Variants in HTR4 observed in about 807,000 individuals in gnomAD.
HTR4 encodes 5-hydroxytryptamine (serotonin) receptor 4, G protein-coupled.
HTR4 carries 16 observed loss-of-function variants against 36.8 expected under a neutral mutation model. The observed-to-expected ratio is 0.43, with a 90% CI of 0.29 to 0.66. HTR4 has a LOEUF of 0.66. Among genes scored for constraint, HTR4 ranks in the 30% least tolerant of loss-of-function variants. The probability of loss-of-function intolerance (pLI) is 0.13; values close to 1 mark genes in which losing one functional copy is unlikely to be tolerated. For missense variants in HTR4, 438 were observed against 490.9 expected (o/e 0.89, Z 1.02); for synonymous variants, 189 against 185.1 (o/e 1.02, Z -0.17).
intron 1 of HTR4, among the ~76,000 whole-genome samples, chr5:148,639,617 GTATATATATATATATATATA>G (rs370514542): frequency 1.8e-5 from 2 of 111,866 alleles, no homozygotes; most frequent in African/African-American, 7.4e-5. Context: ...TTTCTTCCCA[GTATATATATATATATATATA>G]TATATATAGT....
At chr5:148,477,150 T>C (rs902107525), downstream of HTR4, among the ~76,000 whole-genome samples, 3 of 152,172 alleles carry the variant, frequency 2.0e-5, no homozygotes, top group Non-Finnish European at 4.4e-5. Context: ...ATAATGTCAG[T>C]TGTAGAAAGG....
chr5:148,586,579 G>A (rs1325070171), intron 2 of HTR4, among the ~76,000 whole-genome samples: 1 of 152,044 alleles, frequency 6.6e-6, no homozygotes, highest in African/African-American at 2.4e-5. Flanking sequence ...CAGCATAGGG[G>A]AAACCACTTC....
At chr5:148,580,668 C>G (rs1350291218) in intron 2 of HTR4, among the ~76,000 whole-genome samples, 1 of 152,052 alleles carries the variant, frequency 6.6e-6, no homozygotes, top group East Asian at 1.9e-4. Flanking sequence ...TAATGTCTTC[C>G]AGGTTTATAC....
chr5:148,467,671 T>C (rs1370788982), intron 5 of HTR4, among the ~76,000 whole-genome samples: 1 of 152,262 alleles, frequency 6.6e-6, no homozygotes, highest in Non-Finnish European at 1.5e-5. Flanking sequence ...TTGTATAACA[T>C]GCCTTATCCA....
At chr5:148,511,134 C>G (rs962192149) in intron 5 of HTR4, among the ~76,000 whole-genome samples, 11 of 152,184 alleles carry the variant, frequency 7.2e-5, no homozygotes, top group Admixed American at 3.3e-4. Flanking sequence ...GCCATCTACA[C>G]CTTTGACATA....
rs574873367 is a variant in HTR4 at position 148,491,369 on chromosome 5, G to T, written c.1077-8076C>A. On this transcript the variant is annotated intron_variant, in intron 6 of 6. Transcript: ENST00000377888. Reference sequence around the variant, plus strand: ...CTTAAGAATGTATGAGGATTAAAAGGAGCCAAATGGTGCAGGGGCTGAACC... The same window carrying T: ...CTTAAGAATGTATGAGGATTAAAAGTAGCCAAATGGTGCAGGGGCTGAACC... Among the ~76,000 whole-genome samples, 6 of 151,982 alleles carry T rather than the reference G, an allele frequency of 3.9e-5. No individual in the cohort carries two copies. In the East Asian group the frequency reaches 1.2e-3, roughly 29 times the overall value.
chr5:148,610,484 A>G (rs949384184), intron 2 of HTR4, among the ~76,000 whole-genome samples: 7 of 152,140 alleles, frequency 4.6e-5, no homozygotes, highest in Non-Finnish European at 1.0e-4. Context: ...CTACAAGGAA[A>G]ACTAACAAAC....
intron 4 of HTR4, among the ~76,000 whole-genome samples, chr5:148,546,010 T>C (rs562069723): frequency 6.6e-6 from 1 of 152,284 alleles, no homozygotes; most frequent in South Asian, 2.1e-4. Flanking sequence ...GGATGAATGA[T>C]AGAGAGAAAT....
At chr5:148,579,040 C>G (rs964556859) in intron 2 of HTR4, among the ~76,000 whole-genome samples, 5 of 152,060 alleles carry the variant, frequency 3.3e-5, no homozygotes, top group African/African-American at 1.2e-4. Flanking sequence ...ACACTAAGTT[C>G]TATTTGTCCA....
intron 2 of HTR4, among the ~76,000 whole-genome samples, chr5:148,568,948 C>T (rs1760563136): frequency 6.6e-6 from 1 of 151,834 alleles, no homozygotes; most frequent in African/African-American, 2.4e-5. Flanking sequence ...CACACTGATA[C>T]CCTTAAAAAA....
chr5:148,497,299 T>A (rs979075529), intron 6 of HTR4, among the ~76,000 whole-genome samples: 3 of 152,180 alleles, frequency 2.0e-5, no homozygotes, highest in Non-Finnish European at 2.9e-5. Flanking sequence ...TTTTTTCTCA[T>A]GTGTAGGAAA....
chr5:148,484,129 G>T, intron 6 of HTR4: 1 of 950,306 alleles, frequency 1.1e-6, no homozygotes, highest in Non-Finnish European at 1.5e-6. Flanking sequence ...TAGACCTTAA[G>T]TTTTTTGCAA....
At chr5:148,462,204 A>T (rs1755294367) in intron 5 of HTR4, among the ~76,000 whole-genome samples, 1 of 152,038 alleles carries the variant, frequency 6.6e-6, no homozygotes, top group African/African-American at 2.4e-5. Flanking sequence ...AGAAATTCAT[A>T]GAGAAAATCA....
downstream of HTR4, among the ~76,000 whole-genome samples, chr5:148,476,121 C>T (rs534859377): frequency 6.6e-6 from 1 of 152,338 alleles, no homozygotes; most frequent in South Asian, 2.1e-4. Flanking sequence ...TTTATGACAT[C>T]TTTCAAAGAT....
chr5:148,532,887 T>A (rs552794141), intron 4 of HTR4, among the ~76,000 whole-genome samples: 91 of 152,314 alleles, frequency 6.0e-4, no homozygotes, highest in Non-Finnish European at 1.1e-3. Flanking sequence ...TGAGGCCCAA[T>A]AATTTGCATT....
intron 1 of HTR4, 119 bp from the exon 2 acceptor site, chr5:148,637,180 T>G: frequency 1.5e-6 from 1 of 687,214 alleles, no homozygotes; most frequent in Non-Finnish European, 2.5e-6. Flanking sequence ...TGTGGAAATA[T>G]TTAATAAACA....
At chr5:148,480,635 A>G (rs968968718), downstream of HTR4, among the ~76,000 whole-genome samples, 1 of 152,182 alleles carries the variant, frequency 6.6e-6, no homozygotes, top group Non-Finnish European at 1.5e-5. Context: ...GGGCCTCCCA[A>G]AGTGCTGGGA....
chr5:148,574,585 A>G (rs537179027), intron 2 of HTR4, among the ~76,000 whole-genome samples: 10 of 152,214 alleles, frequency 6.6e-5, no homozygotes, highest in Middle Eastern at 3.4e-3. Flanking sequence ...AATTTGATTC[A>G]CTTTGTGTCC....
chr5:148,504,144 C>G (rs1380135147), intron 6 of HTR4, among the ~76,000 whole-genome samples: 2 of 152,300 alleles, frequency 1.3e-5, no homozygotes, highest in Non-Finnish European at 1.5e-5. Flanking sequence ...TCAAGCAGAC[C>G]TAATAGACGT....
Sources: allele counts gnomAD v4.1 joint callset (sites outside exome capture counted in the v4.1 genomes callset), GRCh38; gene constraint gnomAD v4.1.1; transcripts MANE v1.5; gene names NCBI Gene and HGNC (gene_info 2026-07-23, HGNC 2026-07-21).